ARHGAP32: variants seen among roughly 807,000 people sequenced by gnomAD.
ARHGAP32 encodes the protein Rho GTPase activating protein 32.
ARHGAP32 carries 51 observed loss-of-function variants against 186.5 expected under a neutral mutation model. The ratio of observed to expected loss-of-function variants is 0.27; its 90% CI spans 0.22 to 0.35. The LOEUF (loss-of-function observed/expected upper bound fraction) is 0.35, where lower values mean the gene tolerates loss of function less well. Ranked by LOEUF, ARHGAP32 falls within the 10% of genes least tolerant of loss-of-function variation. The pLI is 1.00. For missense variants in ARHGAP32, 2,186 were observed against 2,623.5 expected, an observed-to-expected ratio of 0.83 and a Z score of 3.64; for synonymous variants, 950 against 964.3, an observed-to-expected ratio of 0.99 and a Z score of 0.27.
At chr11:129,022,381 T>G (rs1470063177) in intron 11 of ARHGAP32, among the ~76,000 whole-genome samples, 1 of 152,160 alleles carries the variant, frequency 6.6e-6, no homozygotes, top group Non-Finnish European at 1.5e-5. Flanking sequence ...GGTTTTGTTT[T>G]GTTTTGCAGG....
intron 6 of ARHGAP32, among the ~76,000 whole-genome samples, chr11:129,086,946 C>A (rs998231955): frequency 2.0e-5 from 3 of 151,846 alleles, no homozygotes; most frequent in African/African-American, 7.3e-5. Context: ...TTTGAACAGA[C>A]ATCTCACCAA....
At chr11:129,239,839 A>G (rs544803246) in intron 1 of ARHGAP32, among the ~76,000 whole-genome samples, 1 of 152,158 alleles carries the variant, frequency 6.6e-6, no homozygotes, top group South Asian at 2.1e-4. Flanking sequence ...TCTCAGTTAA[A>G]TTTTTTCCCA....
At chr11:129,278,785 T>C (rs1342703540) in intron 1 of ARHGAP32, among the ~76,000 whole-genome samples, 1 of 150,742 alleles carries the variant, frequency 6.6e-6, no homozygotes, top group Non-Finnish European at 1.5e-5. Context: ...GGAGCGCCGG[T>C]GTCCCTGGAG....
At chr11:129,130,996 CTG>C (rs2135402941) in intron 2 of ARHGAP32, among the ~76,000 whole-genome samples, 1 of 152,032 alleles carries the variant, frequency 6.6e-6, no homozygotes, top group South Asian at 2.1e-4. Flanking sequence ...CAATGGAATT[CTG>C]TGATCGAAAA....
intron 10 of ARHGAP32, among the ~76,000 whole-genome samples, chr11:129,056,777 T>C (rs1291310273): frequency 6.6e-6 from 1 of 152,120 alleles, no homozygotes; most frequent in Non-Finnish European, 1.5e-5. Context: ...ATATCGGGCC[T>C]GGGTGTCAAC....
Position 128,969,840 on chromosome 11 carries a change from G to T in ARHGAP32, c.5373C>A (p.Thr1791=), listed in dbSNP as rs762786964. ...GPVMSQYDNM[T]PAVQDDLGGI... ...CACCCAAGTCGTCCTGCACCGCCGGGGTCATGTTATCATATTGGGACATGA... is the reference window on the plus strand; with the variant it reads ...CACCCAAGTCGTCCTGCACCGCCGGTGTCATGTTATCATATTGGGACATGA... Residue 1791 remains threonine, a synonymous_variant, in exon 23 of 23, where the codon ACC becomes ACA. Coordinates refer to ENST00000682385, the MANE Select transcript of ARHGAP32 (RefSeq NM_001378024.1). The surrounding 1 kb of genome is among the most constrained non-coding windows in gnomAD (Gnocchi z 4.8). The T allele has an allele frequency of 6.2e-7, 1 of 1,614,150 alleles. No homozygotes were observed. Among genetic ancestry groups the T allele is most frequent in the South Asian group, 1.1e-5 (1 of 91,062 alleles).
At chr11:129,251,545 A>T (rs1024424786) in intron 1 of ARHGAP32, among the ~76,000 whole-genome samples, 1 of 152,212 alleles carries the variant, frequency 6.6e-6, no homozygotes, top group African/African-American at 2.4e-5. Context: ...TCTAATGATC[A>T]TACTGAAACA....
intron 1 of ARHGAP32, among the ~76,000 whole-genome samples, chr11:129,252,094 T>C (rs928690854): frequency 2.0e-5 from 3 of 152,182 alleles, no homozygotes; most frequent in African/African-American, 7.2e-5. Flanking sequence ...AGTAGTAATA[T>C]CAATTTATAG....
intron 1 of ARHGAP32, among the ~76,000 whole-genome samples, chr11:129,260,719 C>T (rs1043066998): frequency 3.3e-5 from 5 of 152,112 alleles, no homozygotes; most frequent in African/African-American, 7.2e-5. Context: ...TACTTTCTTG[C>T]GCTAAAGGCA....
chr11:129,133,998 CGAT>C (rs1453564884), intron 2 of ARHGAP32, among the ~76,000 whole-genome samples: 1 of 151,986 alleles, frequency 6.6e-6, no homozygotes, highest in Non-Finnish European at 1.5e-5. Flanking sequence ...AAGGGAACCT[CGAT>C]GGTGGTAGGA....
At chr11:129,227,782 T>A (rs964142056) in intron 1 of ARHGAP32, among the ~76,000 whole-genome samples, 1 of 151,950 alleles carries the variant, frequency 6.6e-6, no homozygotes, top group Non-Finnish European at 1.5e-5. Flanking sequence ...AAATAGACAA[T>A]GCAACAATAA....
chr11:129,042,095 T>G (rs1939618194), intron 10 of ARHGAP32, among the ~76,000 whole-genome samples: 1 of 152,226 alleles, frequency 6.6e-6, no homozygotes, highest in Non-Finnish European at 1.5e-5. Context: ...GTTAAAATTG[T>G]GAAGATATAA....
intron 1 of ARHGAP32, among the ~76,000 whole-genome samples, chr11:129,278,200 A>G (rs74674341): frequency 0.011 from 1,695 of 152,348 alleles, 33 homozygotes; most frequent in African/African-American, 0.039. Context: ...TAGAAAATAA[A>G]AGAGATGCTG....
intron 11 of ARHGAP32, among the ~76,000 whole-genome samples, chr11:128,999,577 T>G (rs898325755): frequency 7.9e-5 from 12 of 152,212 alleles, no homozygotes; most frequent in African/African-American, 2.9e-4. Flanking sequence ...TTGCTGGTTT[T>G]GCAGCTCAGG....
At chr11:129,128,343 C>T (rs1245304443) in intron 2 of ARHGAP32, among the ~76,000 whole-genome samples, 1 of 152,136 alleles carries the variant, frequency 6.6e-6, no homozygotes, top group Non-Finnish European at 1.5e-5. Flanking sequence ...AATGGAATAA[C>T]ATGTGTACAT....
At chr11:129,117,859 TC>T (rs1035446177) in intron 5 of ARHGAP32, among the ~76,000 whole-genome samples, 1 of 151,798 alleles carries the variant, frequency 6.6e-6, no homozygotes, top group African/African-American at 2.4e-5. Context: ...TACAAGAGAT[TC>T]CCCCCGCTTC....
chr11:129,152,405 T>A (rs1158420628), intron 2 of ARHGAP32, among the ~76,000 whole-genome samples: 1 of 151,816 alleles, frequency 6.6e-6, no homozygotes, highest in Admixed American at 6.6e-5. Flanking sequence ...ATCACCCAAA[T>A]ACCAAAACCA....
chr11:129,248,857 C>T (rs538813180), intron 1 of ARHGAP32, among the ~76,000 whole-genome samples: 78 of 152,106 alleles, frequency 5.1e-4, no homozygotes, highest in Non-Finnish European at 8.8e-4. Context: ...GTGTACTCAG[C>T]TTTACTGTGT....
upstream of ARHGAP32, among the ~76,000 whole-genome samples, chr11:129,196,205 T>C (rs1436518043): frequency 1.3e-5 from 2 of 152,202 alleles, no homozygotes; most frequent in Non-Finnish European, 1.5e-5. Context: ...CTGACTTTCC[T>C]AGTAGCAGTG....
Sources: gnomAD v4.1 joint callset for allele counts (sites outside exome capture counted in the v4.1 genomes callset) on GRCh38, gnomAD v4.1.1 for gene constraint, Gnocchi (gnomAD v3.1) non-coding constraint, MANE v1.5 for transcripts, NCBI Gene and HGNC (gene_info 2026-07-23, HGNC 2026-07-21) for gene names.